ADAMTS6: variants seen among roughly 807,000 people sequenced by gnomAD.
ADAMTS6 encodes ADAM metallopeptidase with thrombospondin type 1 motif 6.
A neutral mutation model predicts 144.3 loss-of-function variants in ADAMTS6; 23 were observed. The ratio of observed to expected loss-of-function variants is 0.16; its 90% CI spans 0.11 to 0.23. ADAMTS6 has a LOEUF of 0.23. Among genes scored for constraint, ADAMTS6 ranks in the 10% least tolerant of loss-of-function variants. ADAMTS6 has a pLI of 1.00. For synonymous variants in ADAMTS6, 444 were observed against 457.5 expected (o/e 0.97, Z 0.38); for missense variants, 999 against 1,379.6 (o/e 0.72, Z 4.37).
At chr5:65,233,585 T>C (rs1434361058) in intron 15 of ADAMTS6, among the ~76,000 whole-genome samples, 3 of 151,988 alleles carry the variant, frequency 2.0e-5, no homozygotes, top group East Asian at 3.8e-4. Flanking sequence ...TTATTTACAA[T>C]AGCCTAAAAA....
chr5:65,297,062 A>C, intron 10 of ADAMTS6: 1 of 357,106 alleles, frequency 2.8e-6, no homozygotes, highest in South Asian at 2.3e-5. Flanking sequence ...CTATAGTCTA[A>C]ATAAATAAAT....
intron 9 of ADAMTS6, among the ~76,000 whole-genome samples, chr5:65,320,236 C>G (rs983321460): frequency 2.0e-5 from 3 of 152,024 alleles, no homozygotes; most frequent in African/African-American, 7.3e-5. Context: ...TTGTACCTAT[C>G]AGGAATAAAT....
chr5:65,252,102 T>C (rs1024248583), intron 14 of ADAMTS6, among the ~76,000 whole-genome samples: 13 of 152,212 alleles, frequency 8.5e-5, no homozygotes, highest in African/African-American at 2.9e-4. Flanking sequence ...AAAAGAGTCC[T>C]ATAAGCCTTG....
chr5:65,270,662 T>C (rs961181647), intron 12 of ADAMTS6, among the ~76,000 whole-genome samples: 2 of 152,216 alleles, frequency 1.3e-5, no homozygotes, highest in African/African-American at 4.8e-5. Flanking sequence ...ACTTTATCTA[T>C]CTTCCAGGTC....
intron 7 of ADAMTS6, among the ~76,000 whole-genome samples, chr5:65,382,238 G>A (rs1320519818): frequency 1.3e-5 from 2 of 152,170 alleles, no homozygotes; most frequent in Non-Finnish European, 2.9e-5. Context: ...TGCAGGCAAA[G>A]CTAAGATTTT....
chr5:65,467,713 CT>C (rs1317393638), intron 3 of ADAMTS6, among the ~76,000 whole-genome samples: 1 of 152,144 alleles, frequency 6.6e-6, no homozygotes, highest in East Asian at 1.9e-4. Context: ...CATAAGGTCC[CT>C]TTCAAATAGA....
intron 7 of ADAMTS6, among the ~76,000 whole-genome samples, chr5:65,385,645 T>C (rs976619181): frequency 7.9e-5 from 12 of 152,216 alleles, no homozygotes; most frequent in African/African-American, 2.9e-4. Context: ...CCACTCTATA[T>C]GAAGATCAAT....
At chr5:65,219,751 C>A (rs76104356) in intron 18 of ADAMTS6, among the ~76,000 whole-genome samples, 219 of 152,236 alleles carry the variant, frequency 1.4e-3, no homozygotes, top group African/African-American at 5.1e-3. Flanking sequence ...ATTTGAAAAT[C>A]ATAAAATGCT....
chr5:65,291,181 T>C (rs1050300737), intron 11 of ADAMTS6, 148 bp downstream of exon 11: 2 of 846,434 alleles, frequency 2.4e-6, no homozygotes, highest in Non-Finnish European at 3.4e-6. Flanking sequence ...ATTGTACATA[T>C]GATGTCAGAA....
At chr5:65,457,812 T>C (rs1390000114) in intron 4 of ADAMTS6, among the ~76,000 whole-genome samples, 6 of 149,086 alleles carry the variant, frequency 4.0e-5, no homozygotes, top group Non-Finnish European at 8.9e-5. Context: ...CTGCAACCGC[T>C]GCATTCAGGG....
intron 22 of ADAMTS6, among the ~76,000 whole-genome samples, chr5:65,177,514 A>G (rs375889526): frequency 3.9e-5 from 6 of 152,294 alleles, no homozygotes; most frequent in East Asian, 3.9e-4. Context: ...GGAAATTTTG[A>G]TAAAGACCCT....
chr5:65,375,646 CT>C (rs1751458007), intron 7 of ADAMTS6, among the ~76,000 whole-genome samples: 1 of 152,020 alleles, frequency 6.6e-6, no homozygotes, highest in African/African-American at 2.4e-5. Context: ...AATAGGAACA[CT>C]TTTACACTGT....
At chr5:65,424,326 A>C (rs1403387480) in intron 7 of ADAMTS6, among the ~76,000 whole-genome samples, 1 of 152,252 alleles carries the variant, frequency 6.6e-6, no homozygotes, top group Non-Finnish European at 1.5e-5. Flanking sequence ...GGACAGTTTT[A>C]GTTAGAAAAT....
chr5:65,393,972 G>A (rs1016443319), intron 7 of ADAMTS6, among the ~76,000 whole-genome samples: 1 of 152,162 alleles, frequency 6.6e-6, no homozygotes, highest in African/African-American at 2.4e-5. Context: ...AGAGAGGTCA[G>A]GTAAATAGGG....
chr5:65,452,993 G>T, intron 4 of ADAMTS6, 75 bp from the exon 5 acceptor site: 1 of 1,126,184 alleles, frequency 8.9e-7, no homozygotes. Context: ...ATGTAGACAT[G>T]CTTCTCACAA....
At chr5:65,367,273 T>C (rs1750389801) in intron 7 of ADAMTS6, among the ~76,000 whole-genome samples, 1 of 152,190 alleles carries the variant, frequency 6.6e-6, no homozygotes, top group African/African-American at 2.4e-5. Context: ...GGAGCTTCCA[T>C]ATTAATCTTA....
At chr5:65,231,746 G>A (rs1758265088) in intron 15 of ADAMTS6, among the ~76,000 whole-genome samples, 1 of 152,092 alleles carries the variant, frequency 6.6e-6, no homozygotes, top group East Asian at 1.9e-4. Context: ...CAAATATGTG[G>A]AAATTAAAGA....
chr5:65,279,227 G>A (rs1762801012), intron 11 of ADAMTS6, among the ~76,000 whole-genome samples: 2 of 152,144 alleles, frequency 1.3e-5, no homozygotes, highest in Admixed American at 1.3e-4. Context: ...TTACAGGCAT[G>A]AGCCACCGTA....
At chr5:65,383,711 C>A (rs1190626072) in intron 7 of ADAMTS6, among the ~76,000 whole-genome samples, 1 of 152,138 alleles carries the variant, frequency 6.6e-6, no homozygotes, top group Non-Finnish European at 1.5e-5. Flanking sequence ...CATTCCCACC[C>A]CCACAGCTCC....
Sources: allele counts gnomAD v4.1 joint callset (sites outside exome capture counted in the v4.1 genomes callset), GRCh38; gene constraint gnomAD v4.1.1; transcripts MANE v1.5; gene names NCBI Gene and HGNC (gene_info 2026-07-23, HGNC 2026-07-21).